The following MSRB3 variants were observed in gnomAD, a reference collection of about 807,000 sequenced individuals.
MSRB3 encodes methionine-R-sulfoxide reductase B3.
Under a neutral mutation model 21.0 loss-of-function variants are expected in MSRB3, and 13 were observed. The ratio of observed to expected loss-of-function variants is 0.62; its 90% CI spans 0.40 to 0.98. The LOEUF (loss-of-function observed/expected upper bound fraction) is 0.98, where lower values mean the gene tolerates loss of function less well. Among genes scored for constraint, MSRB3 ranks in the 50% least tolerant of loss-of-function variants. The pLI is 0.00. For synonymous variants in MSRB3, 87 were observed against 88.6 expected, an observed-to-expected ratio of 0.98 and a Z score of 0.10; for missense variants, 199 against 230.3, an observed-to-expected ratio of 0.86 and a Z score of 0.88.
At chr12:65,451,689 C>A (rs925119545) in intron 5 of MSRB3, among the ~76,000 whole-genome samples, 1 of 152,144 alleles carries the variant, frequency 6.6e-6, no homozygotes, top group African/African-American at 2.4e-5. Context: ...GAGGCGTAAT[C>A]ACAGTGATTG....
intron 5 of MSRB3, among the ~76,000 whole-genome samples, chr12:65,378,165 A>G (rs1878737995): frequency 6.6e-6 from 1 of 152,280 alleles, no homozygotes; most frequent in South Asian, 2.1e-4. Flanking sequence ...TGTAATTATT[A>G]TCTAGTGGCA....
chr12:65,399,589 T>G (rs1049674341), intron 5 of MSRB3, among the ~76,000 whole-genome samples: 4 of 152,184 alleles, frequency 2.6e-5, no homozygotes, highest in Admixed American at 2.0e-4. Flanking sequence ...TTGAATACCT[T>G]TATTTCCTTC....
chr12:65,428,561 C>T lies in MSRB3; in HGVS notation c.293-25167C>T, dbSNP rs546917738. Among the ~76,000 whole-genome samples, 3 of 152,182 alleles carry T rather than the reference C, an allele frequency of 2.0e-5. No homozygotes were observed. In the South Asian group the frequency reaches 6.2e-4, roughly 32 times the overall value. On this transcript the variant is annotated intron_variant, in intron 5 of 6. Coordinates refer to ENST00000308259, the MANE Select transcript of MSRB3 (RefSeq NM_001031679.3). ...TGGTACAGCATAGACTCAGGCCCTT[C>T]CTTAATTAAGTGAGTTTTTAAAATA...
At chr12:65,350,197 T>C (rs1876849039) in intron 4 of MSRB3, among the ~76,000 whole-genome samples, 1 of 151,308 alleles carries the variant, frequency 6.6e-6, no homozygotes. Flanking sequence ...TTTTCTCAGG[T>C]TTGTCAAAGA....
intron 4 of MSRB3, among the ~76,000 whole-genome samples, chr12:65,353,625 A>C (rs933553956): frequency 6.6e-6 from 1 of 152,038 alleles, no homozygotes; most frequent in African/African-American, 2.4e-5. Context: ...GTGTCTCTGC[A>C]TGTGAGATGG....
At chr12:65,306,195 T>A (rs1873644016) in intron 1 of MSRB3, among the ~76,000 whole-genome samples, 1 of 152,230 alleles carries the variant, frequency 6.6e-6, no homozygotes, top group Non-Finnish European at 1.5e-5. Context: ...TAGATCTGTT[T>A]GTTAAAGTGT....
intron 5 of MSRB3, among the ~76,000 whole-genome samples, chr12:65,421,393 T>C (rs1013624419): frequency 6.6e-6 from 1 of 152,226 alleles, no homozygotes; most frequent in African/African-American, 2.4e-5. Flanking sequence ...TTTGCAAATA[T>C]TTTCTCCCAC....
intron 5 of MSRB3, among the ~76,000 whole-genome samples, chr12:65,438,203 A>T (rs1466045733): frequency 6.6e-6 from 1 of 151,950 alleles, no homozygotes; most frequent in Non-Finnish European, 1.5e-5. Context: ...ATTTGAAAAG[A>T]TCATGATTTC....
chr12:65,418,002 T>C (rs1367569159), intron 5 of MSRB3, among the ~76,000 whole-genome samples: 1 of 152,194 alleles, frequency 6.6e-6, no homozygotes, highest in East Asian at 1.9e-4. Flanking sequence ...TACTCAGTAG[T>C]GGGTTGCTGG....
intron 1 of MSRB3, among the ~76,000 whole-genome samples, chr12:65,295,421 T>G (rs1295886565): frequency 1.3e-5 from 2 of 152,164 alleles, no homozygotes; most frequent in Non-Finnish European, 2.9e-5. Context: ...TATTTTTATC[T>G]TTTTCATTAA....
At chr12:65,433,101 C>T (rs917464589) in intron 5 of MSRB3, among the ~76,000 whole-genome samples, 1 of 151,926 alleles carries the variant, frequency 6.6e-6, no homozygotes, top group African/African-American at 2.4e-5. Context: ...ACCATATAAT[C>T]CAGCAATTCC....
At chr12:65,369,727 T>C (rs1307967979) in intron 5 of MSRB3, among the ~76,000 whole-genome samples, 1 of 152,194 alleles carries the variant, frequency 6.6e-6, no homozygotes, top group Non-Finnish European at 1.5e-5. Context: ...AATTGCCTCA[T>C]ATTTCATACA....
chr12:65,284,529 T>C (rs2136384645), intron 1 of MSRB3: 1 of 152,340 alleles, frequency 6.6e-6, no homozygotes, highest in South Asian at 2.1e-4. Context: ...CTAGATCTCT[T>C]GCTTTTGAGG....
intron 5 of MSRB3, among the ~76,000 whole-genome samples, chr12:65,398,775 A>T (rs915207803): frequency 6.6e-6 from 1 of 151,976 alleles, no homozygotes; most frequent in Non-Finnish European, 1.5e-5. Flanking sequence ...ATCTTGAGTT[A>T]ATTTTTGTAT....
chr12:65,385,973 A>T (rs1879177778), intron 5 of MSRB3, among the ~76,000 whole-genome samples: 1 of 151,792 alleles, frequency 6.6e-6, no homozygotes, highest in Non-Finnish European at 1.5e-5. Context: ...AATATCTATA[A>T]CTTCCTTCAT....
intron 1 of MSRB3, among the ~76,000 whole-genome samples, chr12:65,295,253 T>G (rs1481226641): frequency 6.6e-6 from 1 of 152,238 alleles, no homozygotes; most frequent in Non-Finnish European, 1.5e-5. Flanking sequence ...AAAAATGCAG[T>G]AGCATTTGAC....
rs965835684 is a variant in MSRB3 at position 65,316,336 on chromosome 12, G to A, written c.76+7681G>A. 5 of 152,128 alleles carry A rather than the reference G, an allele frequency of 3.3e-5. No homozygotes were observed. In the East Asian group the frequency reaches 7.7e-4, roughly 23 times the overall value. The allele number at this position is 152,128 out of a possible 1,614,324, so 9.4% of individuals were successfully genotyped here. On this transcript the variant is annotated intron_variant, in intron 2 of 6. Coordinates refer to ENST00000308259, the MANE Select transcript of MSRB3 (RefSeq NM_001031679.3). ...TTGTTCTGTGCAATTTAAGTGCCTTGTTGTAAGGGAGAAGAAATTGGGGAA... is the reference window on the plus strand; with the variant it reads ...TTGTTCTGTGCAATTTAAGTGCCTTATTGTAAGGGAGAAGAAATTGGGGAA...
chr12:65,450,740 C>T (rs761356782), intron 5 of MSRB3, among the ~76,000 whole-genome samples: 76 of 152,292 alleles, frequency 5.0e-4, no homozygotes, highest in Non-Finnish European at 4.4e-4. Flanking sequence ...CTCAACAAGA[C>T]GCAGATTGCT....
intron 2 of MSRB3, among the ~76,000 whole-genome samples, chr12:65,313,769 T>C (rs1422308502): frequency 2.6e-5 from 4 of 152,152 alleles, no homozygotes; most frequent in Non-Finnish European, 4.4e-5. Flanking sequence ...TCTTACCTAA[T>C]TTCTTTGATT....
Sources: allele counts gnomAD v4.1 joint callset (sites outside exome capture counted in the v4.1 genomes callset), GRCh38; gene constraint gnomAD v4.1.1; transcripts MANE v1.5; gene names NCBI Gene and HGNC (gene_info 2026-07-23, HGNC 2026-07-21).